Variants in PCDHA13 observed in about 807,000 individuals in gnomAD.
PCDHA13 encodes the protein protocadherin alpha 13, also known as protocadherin alpha-13.
A neutral mutation model predicts 64.8 loss-of-function variants in PCDHA13; 54 were observed. The observed-to-expected ratio is 0.83, with a 90% confidence interval of 0.67 to 1.04. The LOEUF (loss-of-function observed/expected upper bound fraction) is 1.04. Ranked by LOEUF, PCDHA13 falls within the 50% of genes least tolerant of loss-of-function variation. The pLI is 0.00. For synonymous variants in PCDHA13, 587 were observed against 564.4 expected (o/e 1.04, Z -0.57); for missense variants, 1,248 against 1,254.3 (o/e 0.99, Z 0.08).
At chr5:140,969,087 T>C (rs146741684) in intron 1 of PCDHA13, 741 of 1,613,920 alleles carry the variant, frequency 4.6e-4, no homozygotes, top group Non-Finnish European at 5.8e-4. Flanking sequence ...GGCCTCAAAG[T>C]GCAGCCTCAC....
In PCDHA13 at chr5:140,882,198, G is replaced by C. The variant is rs964999330; in HGVS notation, c.-71G>C. 3 of 1,525,466 alleles carry C rather than the reference G, an allele frequency of 2.0e-6. No homozygotes were observed. Among genetic ancestry groups the C allele is most frequent in the African/African-American group, 2.8e-5 (2 of 72,066 alleles). 94.5% of individuals were successfully genotyped at this position (1,525,466 alleles called of 1,614,324 possible). ...CCGCACTAGGAAGCCATAAAAATTG[G>C]GCCTTGAGAGACAGTTTGAGGTAAG... On this transcript the variant is annotated 5_prime_UTR_variant, in exon 1 of 4. Transcript: ENST00000289272.
chr5:141,010,381 T>C lies in PCDHA13; in HGVS notation c.*444T>C. On this transcript the variant is annotated 3_prime_UTR_variant, in exon 4 of 4. Transcript: ENST00000289272. ...ACCGCGGGTATGCGAGTGCCAGATA[T>C]TGGCTGAGACGAGCCAGCTTAGACT... 2.8e-6 allele frequency: 4 copies of C among 1,442,848 alleles called. No homozygotes were observed. The highest frequency in any genetic ancestry group is 2.8e-6 in the Non-Finnish European group (3 of 1,086,990). The allele number at this position is 1,442,848 out of a possible 1,614,324, so 89.4% of individuals were successfully genotyped here.
intron 1 of PCDHA13, among the ~76,000 whole-genome samples, chr5:140,963,912 A>C (rs2095797972): frequency 6.6e-6 from 1 of 152,246 alleles, no homozygotes. Flanking sequence ...AGTGAAGCTT[A>C]GGCTAAGTAA....
At chr5:140,940,557 T>C (rs1554213484) in intron 1 of PCDHA13, among the ~76,000 whole-genome samples, 1 of 152,204 alleles carries the variant, frequency 6.6e-6, no homozygotes. Context: ...CAAGTGATTC[T>C]CCTACCTTGG....
At chr5:140,906,709 GC>G (rs1228410148) in intron 1 of PCDHA13, among the ~76,000 whole-genome samples, 7 of 152,190 alleles carry the variant, frequency 4.6e-5, no homozygotes, top group African/African-American at 1.4e-4. Context: ...TTGTAGTCCT[GC>G]CTGGATTGTG....
chr5:141,006,105 G>T (rs2098255059), intron 3 of PCDHA13, among the ~76,000 whole-genome samples: 1 of 143,364 alleles, frequency 7.0e-6, no homozygotes. Context: ...ATGGTAAGGA[G>T]TTTTTTTTTT....
At chr5:140,922,107 T>C (rs1250364037) in intron 1 of PCDHA13, among the ~76,000 whole-genome samples, 1 of 152,028 alleles carries the variant, frequency 6.6e-6, no homozygotes, top group East Asian at 1.9e-4. Context: ...TATAGATAAA[T>C]GAAAATTCAC....
At chr5:140,943,321 G>C (rs1012061757) in intron 1 of PCDHA13, among the ~76,000 whole-genome samples, 3 of 150,454 alleles carry the variant, frequency 2.0e-5, no homozygotes, top group Non-Finnish European at 4.4e-5. Flanking sequence ...TAGCAATATT[G>C]TGTAGTATCC....
At chr5:140,969,457 T>C (rs1554231852) in intron 1 of PCDHA13, 1 of 1,505,602 alleles carries the variant, frequency 6.6e-7, no homozygotes, top group Admixed American at 2.2e-5. Context: ...TGAGTATATA[T>C]AGTATCCACA....
intron 1 of PCDHA13, among the ~76,000 whole-genome samples, chr5:140,961,103 A>G (rs531762252): frequency 6.6e-6 from 1 of 152,254 alleles, no homozygotes; most frequent in South Asian, 2.1e-4. Context: ...TTGGTCACCC[A>G]ACCCCCTTGC....
intron 3 of PCDHA13, among the ~76,000 whole-genome samples, chr5:140,987,370 A>G (rs183202119): frequency 5.2e-4 from 79 of 152,328 alleles, no homozygotes; most frequent in East Asian, 3.9e-4. Context: ...TTATATCATT[A>G]CAGGGTCAGA....
chr5:140,928,795 G>T, intron 1 of PCDHA13: 1 of 1,614,152 alleles, frequency 6.2e-7, no homozygotes, highest in South Asian at 1.1e-5. Flanking sequence ...GCAGAGGGTG[G>T]TGGTAGTGGT....
At chr5:141,004,657 G>A (rs565994909) in intron 3 of PCDHA13, among the ~76,000 whole-genome samples, 1 of 152,262 alleles carries the variant, frequency 6.6e-6, no homozygotes, top group Admixed American at 6.5e-5. Context: ...TGGGCTCTGA[G>A]GGCAACTAAA....
At chr5:140,981,017 G>T (rs782757397) in intron 2 of PCDHA13, among the ~76,000 whole-genome samples, 42 of 152,076 alleles carry the variant, frequency 2.8e-4, no homozygotes, top group Non-Finnish European at 5.3e-4. Flanking sequence ...ACACTTGAAG[G>T]CTGTTAATAT....
At chr5:140,935,358 A>C (rs2090329846) in intron 1 of PCDHA13, among the ~76,000 whole-genome samples, 1 of 152,220 alleles carries the variant, frequency 6.6e-6, no homozygotes, top group East Asian at 1.9e-4. Context: ...CCCAGTTTTC[A>C]TTAACGTCAA....
intron 2 of PCDHA13, among the ~76,000 whole-genome samples, chr5:140,981,648 C>T (rs1294806137): frequency 6.6e-6 from 1 of 152,020 alleles, no homozygotes; most frequent in Non-Finnish European, 1.5e-5. Context: ...TCTTAGGATC[C>T]CACTTATTTC....
At chr5:140,928,942 T>G in intron 1 of PCDHA13, 1 of 1,614,062 alleles carries the variant, frequency 6.2e-7, no homozygotes, top group Non-Finnish European at 8.5e-7. Flanking sequence ...GAACTTGTAT[T>G]TAGTAATTGC....
intron 1 of PCDHA13, chr5:140,967,992 C>T: frequency 1.2e-6 from 2 of 1,614,250 alleles, no homozygotes; most frequent in Non-Finnish European, 1.7e-6. Flanking sequence ...GCCACACTGC[C>T]TTTCCGACTG....
chr5:140,920,858 A>AG (rs2079893810), intron 1 of PCDHA13, among the ~76,000 whole-genome samples: 1 of 151,604 alleles, frequency 6.6e-6, no homozygotes, highest in African/African-American at 2.4e-5. Context: ...AAAAAAAAAA[A>AG]CAAACAAACT....
Sources: allele counts gnomAD v4.1 joint callset (sites outside exome capture counted in the v4.1 genomes callset), GRCh38; gene constraint gnomAD v4.1.1; transcripts MANE v1.5; gene names NCBI Gene and HGNC (gene_info 2026-07-23, HGNC 2026-07-21).